The following TMEM196 variants were observed in gnomAD, a reference collection of about 807,000 sequenced individuals.
TMEM196 encodes the protein transmembrane protein 196.
A neutral mutation model predicts 20.0 loss-of-function variants in TMEM196; 17 were observed. The ratio of observed to expected loss-of-function variants is 0.85; its 90% CI spans 0.58 to 1.27. TMEM196 has a LOEUF of 1.27. Among genes scored for constraint, TMEM196 ranks in the 50% most tolerant of loss-of-function variants. The pLI, the probability that TMEM196 is intolerant of heterozygous loss-of-function variation, is 0.00. For missense variants in TMEM196, 267 were observed against 223.0 expected, an observed-to-expected ratio of 1.20 and a Z score of -1.26; for synonymous variants, 113 against 88.9, an observed-to-expected ratio of 1.27 and a Z score of -1.52.
chr7:19,768,262 T>C (rs558690596), intron 1 of TMEM196, among the ~76,000 whole-genome samples: 5 of 151,978 alleles, frequency 3.3e-5, no homozygotes, highest in African/African-American at 1.2e-4. Context: ...GAAAAGTTTG[T>C]TTAATAAATT....
rs199744843 is a variant in TMEM196, at chr7:19,725,506, A to C, written c.459+8T>G. The stretch of plus-strand genomic sequence containing the variant: ...GCTAGCAGTGAGAGGAAAAGGTACA[A>C]AACTCACTTTCTCAGCCATTTCATG... On this transcript the variant is annotated splice_region_variant and intron_variant, in intron 3 of 4. Coordinates refer to ENST00000405844, the MANE Select transcript of TMEM196 (RefSeq NM_001363562.2). The C allele has an allele frequency of 1.7e-3, 2,792 of 1,600,674 alleles. 5 individuals are homozygous for C. The highest frequency in any genetic ancestry group is 2.9e-3 in the South Asian group (263 of 90,750).
chr7:19,770,530 G>T (rs779953327), intron 1 of TMEM196, among the ~76,000 whole-genome samples: 4 of 152,116 alleles, frequency 2.6e-5, no homozygotes, highest in Non-Finnish European at 4.4e-5. Flanking sequence ...TTTTAAATGG[G>T]TTTATAAAAG....
intron 1 of TMEM196, among the ~76,000 whole-genome samples, chr7:19,760,981 C>A (rs983481254): frequency 6.6e-6 from 1 of 152,188 alleles, no homozygotes; most frequent in Non-Finnish European, 1.5e-5. Context: ...TCATCCCAAC[C>A]CAGTGTGGAC....
At chr7:19,754,858 C>A (rs1434977422) in intron 1 of TMEM196, among the ~76,000 whole-genome samples, 2 of 152,118 alleles carry the variant, frequency 1.3e-5, no homozygotes, top group African/African-American at 4.8e-5. Context: ...ATCTATATAA[C>A]CCTATTTTTT....
intron 2 of TMEM196, among the ~76,000 whole-genome samples, chr7:19,728,006 T>C (rs1784059482): frequency 1.3e-5 from 2 of 152,172 alleles, no homozygotes; most frequent in Non-Finnish European, 2.9e-5. Flanking sequence ...CAGGATAATG[T>C]ACCTTCTAAT....
chr7:19,748,155 A>G (rs1042142008), intron 1 of TMEM196, among the ~76,000 whole-genome samples: 8 of 150,992 alleles, frequency 5.3e-5, no homozygotes, highest in Middle Eastern at 3.4e-3. Flanking sequence ...TGCATCTCCT[A>G]AGTTAAAATC....
intron 1 of TMEM196, among the ~76,000 whole-genome samples, chr7:19,763,363 G>C (rs920691557): frequency 3.3e-5 from 5 of 151,718 alleles, no homozygotes; most frequent in Non-Finnish European, 5.9e-5. Flanking sequence ...TAATTGGCAG[G>C]GTACAAATTT....
chr7:19,738,005 T>G (rs569668822), intron 1 of TMEM196, among the ~76,000 whole-genome samples: 9 of 151,966 alleles, frequency 5.9e-5, no homozygotes, highest in Non-Finnish European at 1.3e-4. Flanking sequence ...TATAATAAAA[T>G]GTATAAGACA....
rs542739511 is a variant in TMEM196, at chr7:19,773,296, C to G, written c.-600G>C. The G allele has an allele frequency of 5.2e-5, 8 of 152,528 alleles. No homozygotes were observed. The East Asian group carries it at 1.5e-3, about 29-fold the overall frequency. The allele number at this position is 152,528 out of a possible 1,614,324, so 9.4% of individuals were successfully genotyped here. ...AGAGCGGGCGGATGATATTCAGCAC[C>G]ACGCTCCTTGCAGTTGCTTTGTCGC... On this transcript the variant is annotated 5_prime_UTR_variant, in exon 1 of 5. Coordinates refer to ENST00000405844, the MANE Select transcript of TMEM196 (RefSeq NM_001363562.2).
At chr7:19,758,608 A>T (rs1175265619) in intron 1 of TMEM196, among the ~76,000 whole-genome samples, 2 of 152,242 alleles carry the variant, frequency 1.3e-5, no homozygotes, top group Non-Finnish European at 2.9e-5. Flanking sequence ...TTGTGAAATG[A>T]TGAATTTAGA....
chr7:19,772,432 A>G, intron 1 of TMEM196, 118 bp downstream of exon 1: 4 of 1,124,880 alleles, frequency 3.6e-6, no homozygotes, highest in Non-Finnish European at 4.8e-6. Flanking sequence ...CATGCAAGCC[A>G]GAGATCTATG....
intron 1 of TMEM196, among the ~76,000 whole-genome samples, chr7:19,747,266 T>TC (rs1784790640): frequency 1.1e-5 from 1 of 91,096 alleles, no homozygotes; most frequent in African/African-American, 7.7e-5. Context: ...AAAAAATAAA[T>TC]AAATAAAATA....
intron 1 of TMEM196, among the ~76,000 whole-genome samples, chr7:19,734,095 T>A (rs549251935): frequency 6.6e-6 from 1 of 152,008 alleles, no homozygotes; most frequent in Non-Finnish European, 1.5e-5. Context: ...TTCCAGCACA[T>A]AAGCACAAGG....
chr7:19,742,021 C>T (rs1401847196), intron 1 of TMEM196, among the ~76,000 whole-genome samples: 2 of 152,090 alleles, frequency 1.3e-5, no homozygotes, highest in South Asian at 4.1e-4. Context: ...CCTCTTTAGA[C>T]CCCTTTTTAG....
chr7:19,725,460 G>A lies in TMEM196; in HGVS notation c.459+54C>T, dbSNP rs149125502. ...AGTTTCAAGTTGATTCACCCAGAGT[G>A]GACTTCAGTCTTCATCATGTGCTAG... On this transcript the variant is annotated intron_variant, in intron 3 of 4. Coordinates refer to ENST00000405844, the MANE Select transcript of TMEM196 (RefSeq NM_001363562.2). The A allele has an allele frequency of 1.8e-4, 276 of 1,545,448 alleles. 1 individual carries two copies. The African/African-American group carries it at 3.3e-3, about 18-fold the overall frequency.
intron 1 of TMEM196, among the ~76,000 whole-genome samples, chr7:19,747,008 C>T (rs1784778550): frequency 6.6e-6 from 1 of 152,168 alleles, no homozygotes. Context: ...GTAATCCCAG[C>T]ACTTTGGGAG....
At chr7:19,763,877 A>T (rs1229907288) in intron 1 of TMEM196, among the ~76,000 whole-genome samples, 1 of 152,152 alleles carries the variant, frequency 6.6e-6, no homozygotes, top group Non-Finnish European at 1.5e-5. Flanking sequence ...TGTTTTGCAG[A>T]TGAATTAACT....
intron 4 of TMEM196, 57 bp downstream of exon 4, chr7:19,724,223 G>C: frequency 7.0e-7 from 1 of 1,434,846 alleles, no homozygotes; most frequent in Non-Finnish European, 9.6e-7. Flanking sequence ...TTTCTGGAAG[G>C]GGAAGTGCTT....
In TMEM196 at chr7:19,768,052, G is replaced by T. The variant is rs1259460875; in HGVS notation, c.147+4498C>A. ...GGTAAACCAACAGTCTACATAAAAGGTATGTGTGTTGGCTATGCTGTAAAT... is the reference window on the plus strand; with the variant it reads ...GGTAAACCAACAGTCTACATAAAAGTTATGTGTGTTGGCTATGCTGTAAAT... On this transcript the variant is annotated intron_variant, in intron 1 of 4. Transcript: ENST00000405844. Among the ~76,000 whole-genome samples, 6 of 152,096 alleles carry T rather than the reference G, an allele frequency of 3.9e-5. No individual in the cohort carries two copies. In the East Asian group the frequency reaches 7.7e-4, roughly 20 times the overall value.
Sources: gnomAD v4.1 joint callset for allele counts (sites outside exome capture counted in the v4.1 genomes callset) on GRCh38, gnomAD v4.1.1 for gene constraint, MANE v1.5 for transcripts, NCBI Gene and HGNC (gene_info 2026-07-23, HGNC 2026-07-21) for gene names.